ALMS1: variants seen among roughly 807,000 people sequenced by gnomAD.
The protein encoded by ALMS1 is ALMS1 centrosome and basal body associated protein.
Under a neutral mutation model 352.2 loss-of-function variants are expected in ALMS1, and 271 were observed. The ratio of observed to expected loss-of-function variants is 0.77; its 90% CI spans 0.70 to 0.85. The LOEUF (loss-of-function observed/expected upper bound fraction) is 0.85. Among genes scored for constraint, ALMS1 ranks in the 40% least tolerant of loss-of-function variants. ALMS1 has a pLI of 0.00. For synonymous variants in ALMS1, 1,865 were observed against 1,761.2 expected, an observed-to-expected ratio of 1.06 and a Z score of -1.48; for missense variants, 5,445 against 4,870.7, an observed-to-expected ratio of 1.12 and a Z score of -3.51.
At chr2:73,529,763 G>T (rs913839983) in intron 11 of ALMS1, among the ~76,000 whole-genome samples, 4 of 152,090 alleles carry the variant, frequency 2.6e-5, no homozygotes, top group Non-Finnish European at 1.5e-5. Flanking sequence ...ATAAAGAAAG[G>T]GAGTTCAATT....
chr2:73,591,055 C>T (rs550907739), intron 16 of ALMS1, among the ~76,000 whole-genome samples: 32 of 152,200 alleles, frequency 2.1e-4, no homozygotes, highest in African/African-American at 7.7e-4. Flanking sequence ...ACCAATCTTC[C>T]CACCTAAGCC....
rs760756852 is a variant in ALMS1, at chr2:73,453,547, G to A, written c.7020G>A (p.Thr2340=). The A allele has an allele frequency of 1.5e-5, 25 of 1,613,664 alleles. No individual in the cohort carries two copies. The South Asian group carries it at 2.1e-4, about 13-fold the overall frequency. The change falls in exon 8 of 23, where the codon ACG becomes ACA. Residue 2340 remains threonine, a synonymous_variant. Transcript: ENST00000613296. ...TACAGAAGGATATTGGCACACAGACGAATTTGAAATGCCGGAGAGGCATTG... is the reference window on the plus strand; with the variant it reads ...TACAGAAGGATATTGGCACACAGACAAATTTGAAATGCCGGAGAGGCATTG... ...RCIQKDIGTQ[T]NLKCRRGIEN...
At chr2:73,496,139 T>C (rs1673102084) in intron 10 of ALMS1, among the ~76,000 whole-genome samples, 1 of 152,236 alleles carries the variant, frequency 6.6e-6, no homozygotes, top group Admixed American at 6.5e-5. Context: ...ATTTCCGTAC[T>C]TATAAATTTC....
At chr2:73,447,175 A>C (rs1056175134) in intron 7 of ALMS1, among the ~76,000 whole-genome samples, 2 of 152,304 alleles carry the variant, frequency 1.3e-5, no homozygotes, top group African/African-American at 4.8e-5. Flanking sequence ...GCAGTCACTT[A>C]CTTTACACTG....
At chr2:73,444,731 G>C (rs1000011452) in intron 7 of ALMS1, among the ~76,000 whole-genome samples, 1 of 152,070 alleles carries the variant, frequency 6.6e-6, no homozygotes, top group Non-Finnish European at 1.5e-5. Context: ...AGGAACTTTG[G>C]AAGGGTTATA....
At chr2:73,427,119 CAG>C (rs1378357484) in intron 6 of ALMS1, among the ~76,000 whole-genome samples, 1 of 152,140 alleles carries the variant, frequency 6.6e-6, no homozygotes, top group Non-Finnish European at 1.5e-5. Flanking sequence ...AGTCTTTAGA[CAG>C]TGTTAAGATT....
chr2:73,569,032 T>G (rs1026114663), intron 15 of ALMS1, among the ~76,000 whole-genome samples: 2 of 117,610 alleles, frequency 1.7e-5, no homozygotes, highest in African/African-American at 7.0e-5. Flanking sequence ...TTTTTTTTTT[T>G]GAGATGAAGT....
At chr2:73,595,617 G>A (rs1282899646) in intron 16 of ALMS1, among the ~76,000 whole-genome samples, 1 of 152,100 alleles carries the variant, frequency 6.6e-6, no homozygotes, top group Non-Finnish European at 1.5e-5. Flanking sequence ...TTTTGTGTGG[G>A]CATACATTTT....
chr2:73,451,863 C>T lies in ALMS1; in HGVS notation c.5336C>T (p.Thr1779Ile), dbSNP rs1671948717. The T allele has an allele frequency of 2.5e-6, 4 of 1,613,554 alleles. No homozygotes were observed. In the East Asian group the frequency reaches 8.9e-5, roughly 36 times the overall value. Residue 1779 changes from threonine (T) to isoleucine (I), a missense_variant, in exon 8 of 23, where the codon ACT becomes ATT. Transcript: ENST00000613296. ...YQQELPDSHL[T>I]EEALKVSNVP... Reference sequence around the variant, plus strand: ...CAAGAGTTGCCAGATAGTCATCTAACTGAAGAGGCTCTGAAAGTTTCAAAT... The same window carrying T: ...CAAGAGTTGCCAGATAGTCATCTAATTGAAGAGGCTCTGAAAGTTTCAAAT...
chr2:73,424,768 C>T lies in ALMS1; in HGVS notation c.1103C>T (p.Ser368Leu). Residue 368 changes from serine (S) to leucine (L), a missense_variant, in exon 5 of 23, where the codon TCA (serine) becomes TTA (leucine). By Grantham distance (145) the Ser-to-Leu change is moderately radical. Transcript: ENST00000613296. ...ENNLADKDQV[S>L]VATSFDITDE... is the part of the protein sequence containing the mutation. Reference sequence around the variant, plus strand: ...AATTTAGCTGATAAAGATCAAGTTTCAGTTGCAACTTCATTTGACATAACT... The same window carrying T: ...AATTTAGCTGATAAAGATCAAGTTTTAGTTGCAACTTCATTTGACATAACT... 6.2e-7 allele frequency: 1 copy of T among 1,613,850 alleles called. No individual in the cohort carries two copies. The highest frequency in any genetic ancestry group is 8.5e-7 in the Non-Finnish European group (1 of 1,179,830).
At chr2:73,426,015 CA>C (rs1204074658) in intron 5 of ALMS1, among the ~76,000 whole-genome samples, 1 of 152,138 alleles carries the variant, frequency 6.6e-6, no homozygotes, top group Non-Finnish European at 1.5e-5. Context: ...GTGATATAGG[CA>C]ATGAACCATT....
chr2:73,554,476 C>T (rs538925440), intron 13 of ALMS1, among the ~76,000 whole-genome samples: 25 of 151,280 alleles, frequency 1.7e-4, no homozygotes, highest in African/African-American at 5.3e-4. Context: ...GGGGCCAAGG[C>T]GGGTGGATCA....
intron 9 of ALMS1, among the ~76,000 whole-genome samples, chr2:73,487,040 C>T (rs1013387431): frequency 1.3e-5 from 2 of 152,056 alleles, no homozygotes; most frequent in South Asian, 2.1e-4. Context: ...ACAGCAAGAC[C>T]CTGTCTTAAA....
chr2:73,512,477 C>T (rs1673473360), intron 10 of ALMS1, among the ~76,000 whole-genome samples: 1 of 151,878 alleles, frequency 6.6e-6, no homozygotes. Context: ...CTACTACTGA[C>T]AATGAACATT....
Position 73,602,281 on chromosome 2 carries a change from A to T in ALMS1, c.12211A>T (p.Met4071Leu). ...AGTCCAGGAGAGGAAGCTGCAGAGCATGTTACAGACCGAGCGGGATGCACT... is the reference window on the plus strand; with the variant it reads ...AGTCCAGGAGAGGAAGCTGCAGAGCTTGTTACAGACCGAGCGGGATGCACT... ...LIVQERKLQS[M>L]LQTERDALFN... Residue 4071 changes from methionine to leucine, a missense_variant, in exon 20 of 23, where the codon ATG becomes TTG. Physicochemically the swap from Met to Leu is conservative, Grantham distance 15. Coordinates refer to ENST00000613296, the MANE Select transcript of ALMS1 (RefSeq NM_001378454.1). 1 of 1,614,212 alleles carries T rather than the reference A, an allele frequency of 6.2e-7. No individual in the cohort carries two copies.
intron 1 of ALMS1, among the ~76,000 whole-genome samples, chr2:73,400,206 AAAGTGCTGGAATTAC>A (rs1200126769): frequency 6.6e-6 from 1 of 152,146 alleles, no homozygotes; most frequent in Non-Finnish European, 1.5e-5. Context: ...TTGGCCTCTC[AAAGTGCTGGAATTAC>A]AGGTGGGAGC....
intron 16 of ALMS1, among the ~76,000 whole-genome samples, chr2:73,591,975 A>G (rs1675444264): frequency 6.6e-6 from 1 of 152,192 alleles, no homozygotes; most frequent in Admixed American, 6.5e-5. Context: ...CCCTACCATT[A>G]TCTGGGAAAT....
Position 73,484,498 on chromosome 2 carries a change from T to C in ALMS1, c.7675-5136T>C, listed in dbSNP as rs550135953. ...GTAATCCGACCTTTCTCTCTGGCTGTCCTTAACATTTTTTCCTTCATTTCA... is the reference window on the plus strand; with the variant it reads ...GTAATCCGACCTTTCTCTCTGGCTGCCCTTAACATTTTTTCCTTCATTTCA... On this transcript the variant is annotated intron_variant, in intron 9 of 22. Transcript: ENST00000613296. Among the ~76,000 whole-genome samples the C allele has an allele frequency of 4.6e-5, 7 of 151,466 alleles. No homozygotes were observed. In the East Asian group the frequency reaches 1.2e-3, roughly 25 times the overall value.
chr2:73,505,423 G>A (rs1032132475), intron 10 of ALMS1, among the ~76,000 whole-genome samples: 1 of 152,192 alleles, frequency 6.6e-6, no homozygotes, highest in African/African-American at 2.4e-5. Context: ...TCTAACTGGT[G>A]TGAGATGGTA....
Sources: allele counts gnomAD v4.1 joint callset (sites outside exome capture counted in the v4.1 genomes callset), GRCh38; gene constraint gnomAD v4.1.1; transcripts MANE v1.5; gene names NCBI Gene and HGNC (gene_info 2026-07-23, HGNC 2026-07-21).